Variants in DOCK8 observed in about 807,000 individuals in gnomAD.
DOCK8 encodes the protein dedicator of cytokinesis protein 8.
A neutral mutation model predicts 245.6 loss-of-function variants in DOCK8; 141 were observed. The ratio of observed to expected loss-of-function variants is 0.57; its 90% CI spans 0.50 to 0.66. The LOEUF is 0.66. Among genes scored for constraint, DOCK8 ranks in the 30% least tolerant of loss-of-function variants. The pLI, the probability that DOCK8 is intolerant of heterozygous loss-of-function variation, is 0.00. For synonymous variants in DOCK8, 1,168 were observed against 970.2 expected (o/e 1.20, Z -3.79); for missense variants, 2,965 against 2,603.4 (o/e 1.14, Z -3.02).
intron 17 of DOCK8, among the ~76,000 whole-genome samples, chr9:371,933 A>T (rs531887214): frequency 6.6e-6 from 1 of 152,352 alleles, no homozygotes; most frequent in African/African-American, 2.4e-5. Context: ...TGTTGTTCAG[A>T]CACACACAAA....
intron 1 of DOCK8, among the ~76,000 whole-genome samples, chr9:248,946 G>T (rs759662740): frequency 3.9e-5 from 6 of 152,172 alleles, no homozygotes; most frequent in Non-Finnish European, 8.8e-5. Context: ...AGAGTGAAGT[G>T]AGTGAGGGCA....
At chr9:214,654 T>C, upstream of DOCK8, 1 of 1,608,082 alleles carries the variant, frequency 6.2e-7, no homozygotes, top group Non-Finnish European at 8.5e-7. Context: ...CCGCGCTCCC[T>C]TCGGCCGGAG....
At chr9:449,676 C>G in intron 44 of DOCK8, 108 bp from the exon 45 acceptor site, 2 of 1,401,974 alleles carry the variant, frequency 1.4e-6, no homozygotes, top group Non-Finnish European at 2.0e-6. Context: ...GAAAGTCTTT[C>G]CCTAGCTGCC....
rs1393999334 is a variant in DOCK8 at position 243,028 on chromosome 9, T to G, written c.53+27999T>G. On this transcript the variant is annotated intron_variant, in intron 1 of 47. Coordinates refer to ENST00000432829, the MANE Select transcript of DOCK8 (RefSeq NM_203447.4). ...TCATTAGAGCAGGCCAACACTGACT[T>G]GATTTTTCTCTGAAATTAGCTGTGG... is the stretch of plus-strand genomic sequence containing the variant. Among the ~76,000 whole-genome samples the G allele has an allele frequency of 2.0e-5, 3 of 152,192 alleles. No homozygotes were observed. In the East Asian group the frequency reaches 5.8e-4, roughly 29 times the overall value.
chr9:272,469 A>G (rs1204250912), intron 2 of DOCK8, among the ~76,000 whole-genome samples: 5 of 151,706 alleles, frequency 3.3e-5, no homozygotes, highest in East Asian at 1.9e-4. Flanking sequence ...TGCAACCTCA[A>G]CCTCCCAGGA....
At chr9:248,342 C>G (rs969850439) in intron 1 of DOCK8, among the ~76,000 whole-genome samples, 1 of 152,212 alleles carries the variant, frequency 6.6e-6, no homozygotes, top group African/African-American at 2.4e-5. Context: ...TGACTCATTA[C>G]CAATTTTATT....
chr9:271,562 C>G (rs1201261808), intron 1 of DOCK8, 65 bp from the exon 2 acceptor site: 1 of 1,220,372 alleles, frequency 8.2e-7, no homozygotes, highest in Admixed American at 2.0e-5. Context: ...TCAAAGATTG[C>G]ATCTAAAATT....
intron 39 of DOCK8, among the ~76,000 whole-genome samples, chr9:437,279 C>T (rs978422213): frequency 1.3e-5 from 2 of 152,204 alleles, no homozygotes; most frequent in Non-Finnish European, 2.9e-5. Flanking sequence ...CCATCTCTGC[C>T]ATCTGTTGTG....
In DOCK8 at chr9:390,486, C is replaced by A; in HGVS notation, c.2890C>A (p.Leu964Ile). Reference protein sequence around the residue: ...PASKKHFHEELALQMVVSTGM... With the variant: ...PASKKHFHEEIALQMVVSTGM... ...TCTTATTTAGCATTTCCATGAGGAG[C>A]TTGCCCTTCAGATGGTGGTCAGCAC... The change falls in exon 24 of 48, where the codon CTT becomes ATT. Residue 964 changes from leucine (L) to isoleucine (I), a missense_variant. Physicochemically the swap from Leu to Ile is conservative, Grantham distance 5. Transcript: ENST00000432829. 6.2e-7 allele frequency: 1 copy of A among 1,614,180 alleles called. No individual in the cohort carries two copies. Among genetic ancestry groups the A allele is most frequent in the Non-Finnish European group, 8.5e-7 (1 of 1,180,012 alleles).
In DOCK8 at chr9:376,982, C is replaced by T. The variant is rs1164559174; in HGVS notation, c.2211C>T (p.Asn737=). ...CCTGCCTTCTCCCTTCGCAGGACAACCACCTGGAGAAGTTCTTCACCCTCT... is the reference window on the plus strand; with the variant it reads ...CCTGCCTTCTCCCTTCGCAGGACAATCACCTGGAGAAGTTCTTCACCCTCT... ...QAVSSVHTQD[N]HLEKFFTLCH... is the part of the protein sequence containing the mutation. The change falls in exon 20 of 48, where the codon AAC becomes AAT. Residue 737 remains asparagine, a synonymous_variant. Transcript: ENST00000432829. 1 of 1,613,866 alleles carries T rather than the reference C, an allele frequency of 6.2e-7. No individual in the cohort carries two copies.
chr9:363,729 A>C (rs976097249), intron 14 of DOCK8, among the ~76,000 whole-genome samples: 4 of 151,842 alleles, frequency 2.6e-5, no homozygotes, highest in African/African-American at 7.3e-5. Context: ...CTCGGTGGGG[A>C]GTGCTGGCAG....
At chr9:461,108 C>T (rs987170420) in intron 46 of DOCK8, among the ~76,000 whole-genome samples, 14 of 152,116 alleles carry the variant, frequency 9.2e-5, no homozygotes, top group Admixed American at 1.3e-4. Context: ...TGTACCGTAC[C>T]GTGCAGGAGA....
chr9:340,291 G>A lies in DOCK8; in HGVS notation c.1649G>A (p.Arg550Gln), dbSNP rs886063879. ...PHKEILEFPTREVYVPHTVYR... is the reference protein window; with the variant it reads ...PHKEILEFPTQEVYVPHTVYR... ...AAAGAGATTTTGGAATTTCCAACACGAGAAGTATATGTCCCTCACACTGTG... is the reference window on the plus strand; with the variant it reads ...AAAGAGATTTTGGAATTTCCAACACAAGAAGTATATGTCCCTCACACTGTG... Residue 550 changes from arginine to glutamine, a missense_variant, in exon 14 of 48, where the codon CGA (arginine) becomes CAA (glutamine). This residue lies in a region of DOCK8 where 2,825 missense variants were observed against 2,453.5 expected (regional missense o/e 1.15). Transcript: ENST00000432829. 9.3e-6 allele frequency: 15 copies of A among 1,613,942 alleles called. No homozygotes were observed. The highest frequency in any genetic ancestry group is 5.0e-5 in the Admixed American group (3 of 59,992).
At position 434,933 on chromosome 9, in the gene DOCK8, G is replaced by A. The variant is rs2056844526; in HGVS notation, c.5037G>A (p.Leu1679=). The part of the protein sequence containing the change: ...AALVAEYLSM[L]EDHSYLPVGS... ...TAGTGGCTGAGTATCTGAGCATGCT[G>A]GAGGACCACAGCTACCTGCCCGTGG... is the stretch of plus-strand genomic sequence containing the variant. Residue 1679 remains leucine, a synonymous_variant, in exon 39 of 48, where the codon CTG becomes CTA. Transcript: ENST00000432829. 3 of 1,613,542 alleles carry A rather than the reference G, an allele frequency of 1.9e-6. No homozygotes were observed. The highest frequency in any genetic ancestry group is 1.7e-6 in the Non-Finnish European group (2 of 1,180,044).
intron 29 of DOCK8, among the ~76,000 whole-genome samples, chr9:416,430 G>A (rs910600875): frequency 1.3e-5 from 2 of 152,130 alleles, no homozygotes; most frequent in South Asian, 2.1e-4. Flanking sequence ...AGAATATTCC[G>A]TATCAGTGAC....
intron 5 of DOCK8, among the ~76,000 whole-genome samples, chr9:310,985 G>T (rs2130682404): frequency 6.6e-6 from 1 of 152,116 alleles, no homozygotes; most frequent in South Asian, 2.1e-4. Context: ...CAGCCAAAAT[G>T]GATTAAAGAC....
intron 47 of DOCK8, 103 bp from the exon 48 acceptor site, chr9:464,056 C>A: frequency 1.0e-6 from 1 of 989,548 alleles, no homozygotes; most frequent in Non-Finnish European, 1.6e-6. Flanking sequence ...ATGTCCATTT[C>A]TACTGGGTGA....
rs145325472 is a variant in DOCK8, at chr9:382,050, G to C, written c.2606-463G>C. On this transcript the variant is annotated intron_variant, in intron 21 of 47. Coordinates refer to ENST00000432829, the MANE Select transcript of DOCK8 (RefSeq NM_203447.4). ...ACATTTAAAGATGAAAAACAGTGCTGTATACATCATATACCGTAATCCTCA... is the reference window on the plus strand; with the variant it reads ...ACATTTAAAGATGAAAAACAGTGCTCTATACATCATATACCGTAATCCTCA... Among the ~76,000 whole-genome samples the C allele has an allele frequency of 1.8e-3, 269 of 152,188 alleles. 3 individuals are homozygous for C. The highest frequency in any genetic ancestry group is 6.3e-3 in the African/African-American group (261 of 41,498).
chr9:382,572 G>T lies in DOCK8; in HGVS notation c.2665G>T (p.Ala889Ser). ...CCACACGTATGGCCGCACATCAGCT[G>T]CTGCTGTGAGTTCAAAGCTGCTGCA... ...SYHTYGRTSAAAVSSKLLQAR... is the reference protein window; with the variant it reads ...SYHTYGRTSASAVSSKLLQAR... The change falls in exon 22 of 48, where the codon GCT becomes TCT. Residue 889 changes from alanine (A) to serine (S), a missense_variant. By Grantham distance (99) the Ala-to-Ser change is moderately conservative (BLOSUM62 1). Around this residue, in one of 3 missense-constraint regions of DOCK8, gnomAD observed 2,825 missense variants for 2,453.5 expected, o/e 1.15. Transcript: ENST00000432829. 1 of 1,614,156 alleles carries T rather than the reference G, an allele frequency of 6.2e-7. No homozygotes were observed. Among genetic ancestry groups the T allele is most frequent in the African/African-American group, 1.3e-5 (1 of 75,048 alleles).
Sources: gnomAD v4.1 joint callset for allele counts (sites outside exome capture counted in the v4.1 genomes callset) on GRCh38, gnomAD v4.1.1 for gene constraint, gnomAD v4.1.1 regional missense constraint, MANE v1.5 for transcripts, NCBI Gene and HGNC (gene_info 2026-07-23, HGNC 2026-07-21) for gene names.